Variants in YTHDC1 observed in about 807,000 individuals in gnomAD.
The protein encoded by YTHDC1 is YTH domain-containing protein 1.
YTHDC1 carries 12 observed loss-of-function variants against 107.0 expected under a neutral mutation model. That is an observed-to-expected ratio of 0.11 (90% CI 0.07 to 0.18). YTHDC1 has a LOEUF of 0.18. YTHDC1 is among the 10% of genes least tolerant of loss of function. The pLI is 1.00. For missense variants in YTHDC1, 635 were observed against 898.8 expected, an observed-to-expected ratio of 0.71 and a Z score of 3.75; for synonymous variants, 280 against 289.5, an observed-to-expected ratio of 0.97 and a Z score of 0.33.
intron 4 of YTHDC1, among the ~76,000 whole-genome samples, chr4:68,334,243 G>T (rs1466010003): frequency 6.6e-6 from 1 of 151,850 alleles, no homozygotes; most frequent in Non-Finnish European, 1.5e-5. Flanking sequence ...GGAATAGGAA[G>T]AAAAAAATGC....
At chr4:68,316,196 A>C in intron 16 of YTHDC1, 118 bp downstream of exon 16, 1 of 1,148,694 alleles carries the variant, frequency 8.7e-7, no homozygotes, top group Admixed American at 2.6e-5. Context: ...ATTCCAAAAC[A>C]GTCTGCAGTA....
chr4:68,332,983 T>C (rs1288847226), intron 5 of YTHDC1, 136 bp from the exon 6 acceptor site: 1 of 723,016 alleles, frequency 1.4e-6, no homozygotes, highest in African/African-American at 1.8e-5. Context: ...CAAAAAAAAC[T>C]TCTCAATGTG....
intron 4 of YTHDC1, among the ~76,000 whole-genome samples, chr4:68,335,673 G>A (rs1425173420): frequency 6.6e-6 from 1 of 151,948 alleles, no homozygotes; most frequent in Non-Finnish European, 1.5e-5. Flanking sequence ...CAAGGGAGTG[G>A]TTTCATACAT....
rs1721320503 is a variant in YTHDC1, at chr4:68,311,732, A to T, written c.*2367T>A. On this transcript the variant is annotated 3_prime_UTR_variant, in exon 17 of 17. Coordinates refer to ENST00000344157, the MANE Select transcript of YTHDC1 (RefSeq NM_001031732.4). Reference sequence around the variant, plus strand: ...GTGCCAGATACTTGGTAAAAACTTAATGTTGGCTTTTTAAAATAGATCGAC... The same window carrying T: ...GTGCCAGATACTTGGTAAAAACTTATTGTTGGCTTTTTAAAATAGATCGAC... The T allele has an allele frequency of 6.6e-6, 1 of 152,206 alleles. No individual in the cohort carries two copies. Among genetic ancestry groups the T allele is most frequent in the Admixed American group, 6.5e-5 (1 of 15,276 alleles). The allele number at this position is 152,206 out of a possible 1,614,324, so 9.4% of individuals were successfully genotyped here. A position where few individuals can be genotyped will look rare whatever the true frequency, so the allele number is the denominator to read the frequency against.
intron 4 of YTHDC1, among the ~76,000 whole-genome samples, chr4:68,333,808 A>G (rs554322297): frequency 3.8e-4 from 58 of 152,262 alleles, no homozygotes; most frequent in African/African-American, 1.3e-3. Flanking sequence ...CTTCAGCACA[A>G]TTACAATTCT....
At chr4:68,318,267 G>GT (rs1186107725) in intron 15 of YTHDC1, among the ~76,000 whole-genome samples, 1 of 152,004 alleles carries the variant, frequency 6.6e-6, no homozygotes, top group Non-Finnish European at 1.5e-5. Context: ...CCCAGCTAAT[G>GT]TTTTTTGTAT....
intron 1 of YTHDC1, among the ~76,000 whole-genome samples, chr4:68,348,395 C>G (rs898467183): frequency 1.1e-4 from 17 of 149,946 alleles, no homozygotes; most frequent in Non-Finnish European, 1.9e-4. Context: ...ATTTTAATAA[C>G]TGAGTTAACT....
intron 16 of YTHDC1, chr4:68,315,705 C>T (rs1443347868): frequency 2.6e-5 from 4 of 151,956 alleles, no homozygotes; most frequent in African/African-American, 9.7e-5. Flanking sequence ...GTCTTTTTTT[C>T]ACTGGTCCTG....
chr4:68,349,361 C>G (rs1725817320), intron 1 of YTHDC1, among the ~76,000 whole-genome samples: 1 of 152,188 alleles, frequency 6.6e-6, no homozygotes, highest in African/African-American at 2.4e-5. Flanking sequence ...TTTAGCCTAA[C>G]AGAAATGGTT....
intron 4 of YTHDC1, among the ~76,000 whole-genome samples, chr4:68,334,202 A>C (rs1723904568): frequency 6.6e-6 from 1 of 152,160 alleles, no homozygotes; most frequent in Non-Finnish European, 1.5e-5. Context: ...TACCATGATA[A>C]GCTCCTTTTA....
chr4:68,339,703 T>C lies in YTHDC1; in HGVS notation c.29-1319A>G, dbSNP rs556060431. ...AAGAAAATTCTTCACACTGCACTTG[T>C]AGCTATTATGCTTATCTGAAATTAT... On this transcript the variant is annotated intron_variant, in intron 1 of 16. Coordinates refer to ENST00000344157, the MANE Select transcript of YTHDC1 (RefSeq NM_001031732.4). 5.9e-5 allele frequency among the ~76,000 whole-genome samples: 9 copies of C among 152,288 alleles called. No individual in the cohort carries two copies. The South Asian group carries it at 1.9e-3, about 32-fold the overall frequency.
At chr4:68,318,110 C>G (rs906869738) in intron 15 of YTHDC1, among the ~76,000 whole-genome samples, 5 of 152,040 alleles carry the variant, frequency 3.3e-5, no homozygotes, top group African/African-American at 1.2e-4. Context: ...TATTTTAAGT[C>G]TTTTTGAGAT....
rs1723804782 is a variant in YTHDC1 at position 68,333,407 on chromosome 4, A to G, written c.884-10T>C. The G allele has an allele frequency of 6.3e-7, 1 of 1,588,168 alleles. No individual in the cohort carries two copies. The highest frequency in any genetic ancestry group is 1.1e-5 in the South Asian group (1 of 87,742). ...TCCTTCTTTTTCTCATCTAAAAAGA[A>G]CAAGAGTTTTTTTTTTAAATCACAA... On this transcript the variant is annotated splice_polypyrimidine_tract_variant and intron_variant, in intron 4 of 16. Transcript: ENST00000344157.
At chr4:68,331,011 G>T (rs1723519716) in intron 7 of YTHDC1, among the ~76,000 whole-genome samples, 1 of 152,068 alleles carries the variant, frequency 6.6e-6, no homozygotes, top group Admixed American at 6.6e-5. Context: ...CTCCACTGGG[G>T]ACTGGTTCCA....
At position 68,314,402 on chromosome 4, in the gene YTHDC1, T is replaced by G. The variant is rs1721589704; in HGVS notation, c.1960-79A>C. On this transcript the variant is annotated intron_variant, in intron 16 of 16. Coordinates refer to ENST00000344157, the MANE Select transcript of YTHDC1 (RefSeq NM_001031732.4). ...TGGATCCCTGATTTGAAAAAAAAAT[T>G]TATATAAACAATTTTAAAATATAAA... The G allele has an allele frequency of 5.8e-6, 7 of 1,210,026 alleles. No homozygotes were observed. The East Asian group carries it at 1.6e-4, about 27-fold the overall frequency. 75.0% of individuals were successfully genotyped at this position (1,210,026 alleles called of 1,614,324 possible). A position where few individuals can be genotyped will look rare whatever the true frequency, so the allele number is the denominator to read the frequency against.
rs1269421106 is a variant in YTHDC1, at chr4:68,338,279, A to C, written c.130+4T>G. The C allele has an allele frequency of 8.1e-6, 13 of 1,595,442 alleles. No individual in the cohort carries two copies. The highest frequency in any genetic ancestry group is 1.1e-5 in the Non-Finnish European group (13 of 1,169,588). On this transcript the variant is annotated splice_donor_region_variant and intron_variant, in intron 2 of 16. Transcript: ENST00000344157. ...TCAACAAAAATAATAGAACTCTTAC[A>C]TACCCTTTTTCTCATTTTTATCTTG... is the stretch of plus-strand genomic sequence containing the variant.
intron 15 of YTHDC1, among the ~76,000 whole-genome samples, chr4:68,317,756 T>C (rs1429675421): frequency 2.0e-5 from 3 of 152,232 alleles, no homozygotes; most frequent in South Asian, 2.1e-4. Flanking sequence ...TTTTAAGCTA[T>C]ACCAGGACAG....
intron 1 of YTHDC1, among the ~76,000 whole-genome samples, chr4:68,348,613 T>A (rs965008500): frequency 6.6e-6 from 1 of 152,042 alleles, no homozygotes; most frequent in Admixed American, 6.6e-5. Context: ...CATTCCACTT[T>A]CCCAGCTTGT....
At chr4:68,348,474 C>CAAAAAAAAAAAAAAAAAAA in intron 1 of YTHDC1, among the ~76,000 whole-genome samples, 1 of 120,986 alleles carries the variant, frequency 8.3e-6, no homozygotes, top group Non-Finnish European at 1.8e-5. Flanking sequence ...CTGGATTTCT[C>CAAAAAAAAAAAAAAAAAAA]AAAAAAAAAA....
Sources: allele counts gnomAD v4.1 joint callset (sites outside exome capture counted in the v4.1 genomes callset), GRCh38; gene constraint gnomAD v4.1.1; transcripts MANE v1.5; gene names NCBI Gene and HGNC (gene_info 2026-07-23, HGNC 2026-07-21).